The following EXT1 variants were observed in gnomAD, a reference collection of about 807,000 sequenced individuals.
The protein encoded by EXT1 is exostosin glycosyltransferase 1, also known as exostosin-1.
In EXT1, 20 loss-of-function variants were observed where a neutral mutation model predicts 82.5. That is an observed-to-expected ratio of 0.24 (90% CI 0.17 to 0.35). EXT1 has a LOEUF of 0.35. EXT1 is among the 10% of genes least tolerant of loss of function. The pLI, the probability that EXT1 is intolerant of heterozygous loss-of-function variation, is 1.00. For missense variants in EXT1, 757 were observed against 936.5 expected (o/e 0.81, Z 2.50); for synonymous variants, 348 against 350.8 (o/e 0.99, Z 0.09).
intron 1 of EXT1, among the ~76,000 whole-genome samples, chr8:117,894,996 AC>A (rs1213147443): frequency 6.6e-6 from 1 of 152,214 alleles, no homozygotes; most frequent in Non-Finnish European, 1.5e-5. Context: ...TTAAGCATCA[AC>A]TGGCAAATAC....
At position 117,941,700 on chromosome 8, in the gene EXT1, T is replaced by A. The variant is rs146109375; in HGVS notation, c.963-104499A>T. On this transcript the variant is annotated intron_variant, in intron 1 of 10. Transcript: ENST00000378204. ...GCACACCCTCATGTTAAATCTTTGGTTATTCCAGAATGGATCCTTCTAAAA... is the reference window on the plus strand; with the variant it reads ...GCACACCCTCATGTTAAATCTTTGGATATTCCAGAATGGATCCTTCTAAAA... 8.8e-3 allele frequency among the ~76,000 whole-genome samples: 1,344 copies of A among 152,338 alleles called. 10 individuals carry two copies. Among genetic ancestry groups the A allele is most frequent in the Non-Finnish European group, 0.014 (975 of 68,028 alleles).
chr8:117,964,626 T>TG (rs1491304572), intron 1 of EXT1, among the ~76,000 whole-genome samples: 9 of 127,550 alleles, frequency 7.1e-5, no homozygotes, highest in East Asian at 2.1e-4. Context: ...TGTGTGTGTG[T>TG]TTGTTTGTTT....
At position 117,955,575 on chromosome 8, in the gene EXT1, A is replaced by C. The variant is rs1465547747; in HGVS notation, c.963-118374T>G. Among the ~76,000 whole-genome samples the C allele has an allele frequency of 2.0e-5, 3 of 149,868 alleles. No homozygotes were observed. In the East Asian group the frequency reaches 5.8e-4, roughly 29 times the overall value. ...TCAAGGGGCAGAGACCAAATTTTTG[A>C]GACAGAGTCTCACTCTGTTGCCCAG... On this transcript the variant is annotated intron_variant, in intron 1 of 10. Transcript: ENST00000378204.
intron 1 of EXT1, among the ~76,000 whole-genome samples, chr8:118,061,452 T>C (rs1816878653): frequency 6.6e-6 from 1 of 152,188 alleles, no homozygotes. Flanking sequence ...CAATAGAAAA[T>C]GTGCTCATAA....
chr8:117,927,498 C>CT (rs1376227509), intron 1 of EXT1, among the ~76,000 whole-genome samples: 1 of 151,840 alleles, frequency 6.6e-6, no homozygotes, highest in Non-Finnish European at 1.5e-5. Flanking sequence ...TGTCAGTAGT[C>CT]TAGCTGAGGG....
At chr8:118,057,167 G>A (rs1358236527) in intron 1 of EXT1, among the ~76,000 whole-genome samples, 1 of 152,180 alleles carries the variant, frequency 6.6e-6, no homozygotes, top group East Asian at 1.9e-4. Context: ...GCTGAATTGT[G>A]ATTGGTTAAT....
At chr8:117,837,776 A>G (rs1355607668) in intron 1 of EXT1, among the ~76,000 whole-genome samples, 2 of 152,126 alleles carry the variant, frequency 1.3e-5, no homozygotes, top group African/African-American at 4.8e-5. Context: ...AATGGCTGAC[A>G]TAACTCACAG....
chr8:117,910,129 T>C (rs560741980), intron 1 of EXT1, among the ~76,000 whole-genome samples: 2 of 152,218 alleles, frequency 1.3e-5, no homozygotes, highest in East Asian at 3.9e-4. Flanking sequence ...TAAGCATAAC[T>C]TGCATTCCAT....
At chr8:117,872,301 A>C (rs959741318) in intron 1 of EXT1, among the ~76,000 whole-genome samples, 1 of 152,156 alleles carries the variant, frequency 6.6e-6, no homozygotes, top group Admixed American at 6.5e-5. Context: ...AACTGCTATT[A>C]ATTTGCATGC....
At chr8:117,828,311 G>A (rs1179777604) in intron 4 of EXT1, among the ~76,000 whole-genome samples, 1 of 152,036 alleles carries the variant, frequency 6.6e-6, no homozygotes, top group Admixed American at 6.5e-5. Flanking sequence ...ACCAATTTGG[G>A]TAGTCGAGGC....
chr8:117,829,569 C>CTTTTT (rs35823668), intron 4 of EXT1, among the ~76,000 whole-genome samples: 1,186 of 96,714 alleles, frequency 0.012, 42 homozygotes, highest in Non-Finnish European at 0.019. Context: ...ATATATTTTT[C>CTTTTT]TTTTTTTTTT....
chr8:117,950,891 A>G (rs1814478571), intron 1 of EXT1, among the ~76,000 whole-genome samples: 1 of 152,124 alleles, frequency 6.6e-6, no homozygotes, highest in Non-Finnish European at 1.5e-5. Flanking sequence ...TCTACATTGT[A>G]CTCCATGAAG....
chr8:118,014,583 CCTT>C (rs1436800132), intron 1 of EXT1, among the ~76,000 whole-genome samples: 2 of 152,068 alleles, frequency 1.3e-5, no homozygotes, highest in Non-Finnish European at 2.9e-5. Context: ...CAGAAAGCAT[CCTT>C]CTTCTTTTTT....
intron 1 of EXT1, among the ~76,000 whole-genome samples, chr8:117,865,417 G>A (rs1563584594): frequency 6.6e-6 from 1 of 152,122 alleles, no homozygotes; most frequent in African/African-American, 2.4e-5. Context: ...TGGTAAAGAG[G>A]AGCCTATGAG....
intron 4 of EXT1, among the ~76,000 whole-genome samples, chr8:117,825,345 C>G (rs895360904): frequency 6.6e-6 from 1 of 152,162 alleles, no homozygotes; most frequent in African/African-American, 2.4e-5. Context: ...TGCAATTCTT[C>G]CTATCACTAC....
At chr8:118,077,667 A>G (rs1798973714) in intron 1 of EXT1, among the ~76,000 whole-genome samples, 2 of 152,180 alleles carry the variant, frequency 1.3e-5, no homozygotes. Flanking sequence ...ATAAAAACAG[A>G]ATTAACCTAG....
At chr8:117,965,420 T>C (rs1003825478) in intron 1 of EXT1, among the ~76,000 whole-genome samples, 2 of 152,156 alleles carry the variant, frequency 1.3e-5, no homozygotes, top group African/African-American at 4.8e-5. Context: ...AATATTTCCA[T>C]TTAGTGTTTC....
intron 1 of EXT1, among the ~76,000 whole-genome samples, chr8:117,998,635 C>A (rs1230264137): frequency 2.6e-5 from 4 of 152,194 alleles, no homozygotes; most frequent in Admixed American, 2.0e-4. Context: ...TTGGTAGATT[C>A]ATGCCTCTGT....
chr8:117,838,322 C>T (rs1812219773), intron 1 of EXT1, among the ~76,000 whole-genome samples: 2 of 152,120 alleles, frequency 1.3e-5, no homozygotes, highest in Non-Finnish European at 2.9e-5. Context: ...ATTCTTCCCT[C>T]TTCTTTTTGG....
Sources: gnomAD v4.1 joint callset for allele counts (sites outside exome capture counted in the v4.1 genomes callset) on GRCh38, gnomAD v4.1.1 for gene constraint, MANE v1.5 for transcripts, NCBI Gene and HGNC (gene_info 2026-07-23, HGNC 2026-07-21) for gene names.